KIAA1549: variants seen among roughly 807,000 people sequenced by gnomAD.
The protein encoded by KIAA1549 is UPF0606 protein KIAA1549.
A neutral mutation model predicts 156.4 loss-of-function variants in KIAA1549; 70 were observed. The observed-to-expected ratio is 0.45, with a 90% CI of 0.37 to 0.55. KIAA1549 has a LOEUF of 0.55. Ranked by LOEUF, KIAA1549 falls within the 20% of genes least tolerant of loss-of-function variation. The pLI, the probability that KIAA1549 is intolerant of heterozygous loss-of-function variation, is 0.00. For synonymous variants in KIAA1549, 1,103 were observed against 1,066.4 expected, an observed-to-expected ratio of 1.03 and a Z score of -0.67; for missense variants, 2,428 against 2,540.9, an observed-to-expected ratio of 0.96 and a Z score of 0.96.
chr7:138,836,688 G>T lies in KIAA1549; in HGVS notation c.*1218C>A. 1 of 218,072 alleles carries T rather than the reference G, an allele frequency of 4.6e-6. No individual in the cohort carries two copies. The highest frequency in any genetic ancestry group is 6.8e-5 in the East Asian group (1 of 14,674). The allele number at this position is 218,072 out of a possible 1,614,324, so 13.5% of individuals were successfully genotyped here. On this transcript the variant is annotated 3_prime_UTR_variant, in exon 20 of 20. Coordinates refer to ENST00000422774, the MANE Select transcript of KIAA1549 (RefSeq NM_001164665.2). ...CGAGATGATCCCCTCTTAGCCCAAA[G>T]AGCATAAGACAATTTTAATAGCCAC...
intron 12 of KIAA1549, among the ~76,000 whole-genome samples, chr7:138,878,536 G>A (rs1196846764): frequency 1.3e-5 from 2 of 152,204 alleles, no homozygotes; most frequent in Non-Finnish European, 2.9e-5. Context: ...CGAGGCGGAT[G>A]GATCGCTTGA....
chr7:138,981,321 G>A lies in KIAA1549; in HGVS notation c.-52C>T. 3 of 789,674 alleles carry A rather than the reference G, an allele frequency of 3.8e-6. No homozygotes were observed. The highest frequency in any genetic ancestry group is 4.6e-6 in the Non-Finnish European group (3 of 654,188). The allele number at this position is 789,674 out of a possible 1,614,324, so 48.9% of individuals were successfully genotyped here. A position where few individuals can be genotyped will look rare whatever the true frequency, so the allele number is the denominator to read the frequency against. ...CGCGGCTCAGCGGCTCTCGGGTCCG[G>A]GAGGGGCGGCCGCTGCGGCTGCGGC... On this transcript the variant is annotated 5_prime_UTR_variant, in exon 1 of 20. Transcript: ENST00000422774. The surrounding 1 kb of genome is among the most constrained non-coding windows in gnomAD (Gnocchi z 4.5).
chr7:138,949,575 T>C (rs566820364), intron 1 of KIAA1549, among the ~76,000 whole-genome samples: 2 of 152,298 alleles, frequency 1.3e-5, no homozygotes, highest in East Asian at 3.9e-4. Context: ...AATGCCAGCC[T>C]GTAGGACTCC....
chr7:138,971,228 C>A (rs1013886984), intron 1 of KIAA1549, among the ~76,000 whole-genome samples: 1 of 152,200 alleles, frequency 6.6e-6, no homozygotes, highest in Admixed American at 6.5e-5. Flanking sequence ...TTCTCACTCT[C>A]CTCTGGAAGC....
At position 138,909,900 on chromosome 7, in the gene KIAA1549, T is replaced by C. The variant is rs141090820; in HGVS notation, c.3146-779A>G. Among the ~76,000 whole-genome samples the C allele has an allele frequency of 4.0e-5, 6 of 151,826 alleles. No individual in the cohort carries two copies. In the East Asian group the frequency reaches 1.2e-3, roughly 29 times the overall value. On this transcript the variant is annotated intron_variant, in intron 4 of 19. Transcript: ENST00000422774. ...AGGCAAAGGTTGCAGTGAGCAGAGA[T>C]CGCGCCATTGCACTCTAGCCTGAGC...
chr7:138,950,960 C>T (rs1056011903), intron 1 of KIAA1549, among the ~76,000 whole-genome samples: 1 of 152,194 alleles, frequency 6.6e-6, no homozygotes, highest in African/African-American at 2.4e-5. Flanking sequence ...GCCCTCACCT[C>T]GGCCCAGCTG....
intron 16 of KIAA1549, among the ~76,000 whole-genome samples, chr7:138,855,552 C>A (rs528142568): frequency 2.0e-5 from 3 of 152,204 alleles, no homozygotes; most frequent in Non-Finnish European, 4.4e-5. Flanking sequence ...CTTTCCATAC[C>A]TTTCCTTTGC....
intron 16 of KIAA1549, among the ~76,000 whole-genome samples, chr7:138,858,372 A>G (rs1584707894): frequency 2.0e-5 from 3 of 152,208 alleles, no homozygotes; most frequent in African/African-American, 7.2e-5. Flanking sequence ...CTGGGATTAC[A>G]GGTGTGAGCC....
chr7:138,838,161 C>T lies in KIAA1549; in HGVS notation c.5599-1G>A. 6.8e-7 allele frequency: 1 copy of T among 1,462,076 alleles called. No individual in the cohort carries two copies. The highest frequency in any genetic ancestry group is 1.4e-5 in the South Asian group (1 of 70,498). The allele number at this position is 1,462,076 out of a possible 1,614,324, so 90.6% of individuals were successfully genotyped here. On this transcript the variant is annotated splice_acceptor_variant, in intron 19 of 19. Coordinates refer to ENST00000422774, the MANE Select transcript of KIAA1549 (RefSeq NM_001164665.2). LOFTEE classifies it high-confidence loss of function. ...ACTCTTGATGTCCGAGCATGTGTGT[C>T]TGAAAAACATGGCAAACGTCACTGT...
At chr7:138,862,748 T>C (rs924515217) in intron 15 of KIAA1549, among the ~76,000 whole-genome samples, 1 of 152,066 alleles carries the variant, frequency 6.6e-6, no homozygotes, top group African/African-American at 2.4e-5. Context: ...GTGGCCAACA[T>C]GGTGAAACCT....
At chr7:138,967,044 T>C (rs973348148) in intron 1 of KIAA1549, among the ~76,000 whole-genome samples, 8 of 152,210 alleles carry the variant, frequency 5.3e-5, no homozygotes, top group African/African-American at 1.9e-4. Context: ...AAGCTGTTTA[T>C]CTGCTGCATT....
chr7:138,855,925 C>A (rs1810374359), intron 16 of KIAA1549, among the ~76,000 whole-genome samples: 2 of 152,258 alleles, frequency 1.3e-5, no homozygotes, highest in African/African-American at 2.4e-5. Flanking sequence ...GTTCCTCAAC[C>A]TTCTACCAGC....
chr7:138,953,393 G>A (rs1813554538), intron 1 of KIAA1549, among the ~76,000 whole-genome samples: 1 of 151,940 alleles, frequency 6.6e-6, no homozygotes, highest in Non-Finnish European at 1.5e-5. Flanking sequence ...ATAAATAAGT[G>A]CAGCTTCATC....
At position 138,861,295 on chromosome 7, in the gene KIAA1549, G is replaced by C; in HGVS notation, c.5091C>G (p.Leu1697=). 1.2e-6 allele frequency: 2 copies of C among 1,608,420 alleles called. No homozygotes were observed. The highest frequency in any genetic ancestry group is 1.7e-6 in the Non-Finnish European group (2 of 1,178,162). The change falls in exon 16 of 20, where the codon CTC becomes CTG. Residue 1697 remains leucine, a synonymous_variant. Transcript: ENST00000422774. The part of the protein sequence containing the change: ...MHSLLDDAFA[L]VAPSSQPAST... ...TGGCAGGCTGGCTGCTGGGGGCCAC[G>C]AGGGCAAAGGCGTCGTCCAGGAGGG... is the stretch of plus-strand genomic sequence containing the variant.
chr7:138,956,289 G>T (rs551644648), intron 1 of KIAA1549, among the ~76,000 whole-genome samples: 1 of 152,294 alleles, frequency 6.6e-6, no homozygotes, highest in East Asian at 1.9e-4. Flanking sequence ...TCTGAGTTAG[G>T]ATTCAGGAGG....
At chr7:138,904,804 G>A (rs1811961067) in intron 7 of KIAA1549, among the ~76,000 whole-genome samples, 2 of 152,108 alleles carry the variant, frequency 1.3e-5, no homozygotes, top group Non-Finnish European at 1.5e-5. Context: ...TGAACTTGAT[G>A]TATGAATTTT....
rs77609047 is a variant in KIAA1549, at chr7:138,970,412, C to T, written c.187+10671G>A. Among the ~76,000 whole-genome samples, 698 of 152,298 alleles carry T rather than the reference C, an allele frequency of 4.6e-3. 7 individuals are homozygous for T. The highest frequency in any genetic ancestry group is 0.016 in the African/African-American group (681 of 41,556). On this transcript the variant is annotated intron_variant, in intron 1 of 19. Coordinates refer to ENST00000422774, the MANE Select transcript of KIAA1549 (RefSeq NM_001164665.2). ...AGCCAGCCAGGCACCAGCTCAGCTC[C>T]GAACCCGCTACTGCTCCTACCCTCA...
At chr7:138,862,320 C>T (rs1310611960) in intron 15 of KIAA1549, among the ~76,000 whole-genome samples, 1 of 151,906 alleles carries the variant, frequency 6.6e-6, no homozygotes, top group African/African-American at 2.4e-5. Context: ...GGCAACATAG[C>T]AAGACCCCCA....
At chr7:138,915,108 T>G (rs1812280251) in intron 2 of KIAA1549, among the ~76,000 whole-genome samples, 1 of 152,156 alleles carries the variant, frequency 6.6e-6, no homozygotes, top group Non-Finnish European at 1.5e-5. Context: ...GCTCCTCCCA[T>G]CACAATGCCT....
Sources: allele counts gnomAD v4.1 joint callset (sites outside exome capture counted in the v4.1 genomes callset), GRCh38; gene constraint gnomAD v4.1.1; non-coding constraint Gnocchi (gnomAD v3.1); transcripts MANE v1.5; gene names NCBI Gene and HGNC (gene_info 2026-07-23, HGNC 2026-07-21).